ZRANB1: variants seen among roughly 807,000 people sequenced by gnomAD.
ZRANB1 encodes zinc finger RANBP2-type containing 1.
ZRANB1 carries 16 observed loss-of-function variants against 80.5 expected under a neutral mutation model. The ratio of observed to expected loss-of-function variants is 0.20; its 90% CI spans 0.13 to 0.30. The LOEUF (loss-of-function observed/expected upper bound fraction) is 0.30, where lower values mean the gene tolerates loss of function less well. Ranked by LOEUF, ZRANB1 falls within the 10% of genes least tolerant of loss-of-function variation. The probability of loss-of-function intolerance (pLI) is 1.00; values close to 1 mark genes in which losing one functional copy is unlikely to be tolerated. For synonymous variants in ZRANB1, 291 were observed against 293.1 expected, an observed-to-expected ratio of 0.99 and a Z score of 0.07; for missense variants, 576 against 862.6, an observed-to-expected ratio of 0.67 and a Z score of 4.16.
intron 8 of ZRANB1, 47 bp from the exon 9 acceptor site, chr10:124,984,727 C>T: frequency 1.3e-6 from 2 of 1,576,294 alleles, no homozygotes; most frequent in Non-Finnish European, 1.7e-6. Context: ...TACCAAGTCT[C>T]TGATCTGTTG....
At chr10:124,933,427 GTGCC>G in the ZRANB1 span, among the ~76,000 whole-genome samples, 1 of 152,200 alleles carries the variant, frequency 6.6e-6, no homozygotes, top group East Asian at 1.9e-4. Flanking sequence ...GTGAGCCACT[GTGCC>G]TGGCTGACAG....
chr10:124,967,563 C>A (rs1951786715), intron 2 of ZRANB1, among the ~76,000 whole-genome samples: 1 of 152,094 alleles, frequency 6.6e-6, no homozygotes, highest in South Asian at 2.1e-4. Context: ...GTGAGCAGAG[C>A]AGATTGTGTT....
chr10:124,940,469 C>T (rs1346964358), upstream of ZRANB1: 2 of 1,282,168 alleles, frequency 1.6e-6, no homozygotes, highest in Non-Finnish European at 2.0e-6. Context: ...GGAATCTTGT[C>T]TTTGATCTGA....
intron 1 of ZRANB1, among the ~76,000 whole-genome samples, chr10:124,960,926 G>T (rs192573471): frequency 7.2e-4 from 110 of 152,156 alleles, no homozygotes; most frequent in African/African-American, 2.6e-3. Context: ...GATTTCAGTG[G>T]TGAATGTGGT....
intron 1 of ZRANB1, among the ~76,000 whole-genome samples, chr10:124,955,532 T>C (rs1482446408): frequency 6.6e-6 from 1 of 152,208 alleles, no homozygotes; most frequent in Non-Finnish European, 1.5e-5. Context: ...CTTTGCGTGA[T>C]ACTCTTAAGT....
At chr10:124,973,587 ATAAGT>A in intron 3 of ZRANB1, 53 bp from the exon 4 acceptor site, 1 of 1,457,244 alleles carries the variant, frequency 6.9e-7, no homozygotes, top group Non-Finnish European at 9.5e-7. Context: ...GTAATTAAGT[ATAAGT>A]TAAGTGTAAG....
At chr10:124,917,237 A>T in the ZRANB1 span, 2 of 165,120 alleles carry the variant, frequency 1.2e-5, no homozygotes, top group Non-Finnish European at 2.5e-5. Context: ...GACGGGGAGG[A>T]GGAGCAGGAG....
chr10:124,922,306 TATATATATGTAAAATATATGTATATATA>T, the ZRANB1 span, among the ~76,000 whole-genome samples: 1 of 86,130 alleles, frequency 1.2e-5, no homozygotes, highest in Non-Finnish European at 2.7e-5. Context: ...GTAAAATATA[TATATATATGTAAAATATATGTATATATA>T]TATTTTTTTT....
intron 8 of ZRANB1, 47 bp from the exon 9 acceptor site, chr10:124,984,727 C>CTG: frequency 6.3e-7 from 1 of 1,576,294 alleles, no homozygotes; most frequent in East Asian, 2.2e-5. Flanking sequence ...TACCAAGTCT[C>CTG]TGATCTGTTG....
chr10:124,930,372 TC>T, the ZRANB1 span, among the ~76,000 whole-genome samples: 1 of 152,054 alleles, frequency 6.6e-6, no homozygotes, highest in South Asian at 2.1e-4. Context: ...TTCAAGCAAT[TC>T]TCCTGCCTCA....
chr10:124,949,265 C>T (rs764198469), intron 1 of ZRANB1, among the ~76,000 whole-genome samples: 5 of 152,036 alleles, frequency 3.3e-5, no homozygotes, highest in Admixed American at 1.3e-4. Context: ...ATTGGACCTG[C>T]TGCTTCCTAG....
the ZRANB1 span, among the ~76,000 whole-genome samples, chr10:124,927,581 C>G: frequency 6.6e-6 from 1 of 152,154 alleles, no homozygotes; most frequent in African/African-American, 2.4e-5. Context: ...TTGATACCAG[C>G]AGAATATTAA....
At chr10:124,981,895 T>C in intron 6 of ZRANB1, 66 bp downstream of exon 6, 1 of 1,587,474 alleles carries the variant, frequency 6.3e-7, no homozygotes, top group Non-Finnish European at 8.6e-7. Flanking sequence ...ACTGGTTTAT[T>C]TGAGCAAACC....
At chr10:124,980,782 C>T (rs1013738997) in intron 5 of ZRANB1, among the ~76,000 whole-genome samples, 1 of 151,194 alleles carries the variant, frequency 6.6e-6, no homozygotes, top group Admixed American at 6.6e-5. Context: ...CTTTTTTTTT[C>T]CCCCCGCAAT....
intron 1 of ZRANB1, among the ~76,000 whole-genome samples, chr10:124,963,557 T>TG (rs1346489046): frequency 2.8e-4 from 31 of 112,020 alleles, no homozygotes; most frequent in East Asian, 6.2e-4. Context: ...TTTGTTTGTT[T>TG]TTTTTTTTTT....
the ZRANB1 span, among the ~76,000 whole-genome samples, chr10:124,934,548 AT>A: frequency 1.5e-3 from 226 of 152,330 alleles, 10 homozygotes; most frequent in East Asian, 0.035. Context: ...AGGAACAAAC[AT>A]TTATTGAACA....
intron 5 of ZRANB1, among the ~76,000 whole-genome samples, chr10:124,976,547 T>C (rs930518262): frequency 1.3e-5 from 2 of 150,778 alleles, no homozygotes; most frequent in Non-Finnish European, 2.9e-5. Flanking sequence ...CAGTAATCTT[T>C]TCTTTGGTGG....
intron 8 of ZRANB1, 161 bp from the exon 9 acceptor site, chr10:124,984,613 C>G: frequency 5.9e-6 from 4 of 677,000 alleles, no homozygotes; most frequent in Non-Finnish European, 9.6e-6. Flanking sequence ...GCAAACTGGA[C>G]TTTAATCACA....
intron 2 of ZRANB1, 101 bp downstream of exon 2, chr10:124,966,882 T>C: frequency 8.7e-7 from 1 of 1,148,752 alleles, no homozygotes; most frequent in Non-Finnish European, 1.2e-6. Context: ...AGCTTTAAAA[T>C]GTTTTGAATT....
Sources: allele counts gnomAD v4.1 joint callset (sites outside exome capture counted in the v4.1 genomes callset), GRCh38; gene constraint gnomAD v4.1.1; transcripts MANE v1.5; gene names NCBI Gene and HGNC (gene_info 2026-07-23, HGNC 2026-07-21).